CA12: variants seen among roughly 807,000 people sequenced by gnomAD.
CA12 encodes carbonic anhydrase 12, also known as carbonate dehydratase XII.
CA12 carries 36 observed loss-of-function variants against 46.8 expected under a neutral mutation model. The ratio of observed to expected loss-of-function variants is 0.77; its 90% confidence interval spans 0.59 to 1.02. The LOEUF (loss-of-function observed/expected upper bound fraction) is 1.02, where lower values mean the gene tolerates loss of function less well. Among genes scored for constraint, CA12 ranks in the 50% least tolerant of loss-of-function variants. CA12 has a pLI of 0.00. For missense variants in CA12, 436 were observed against 451.4 expected, an observed-to-expected ratio of 0.97 and a Z score of 0.31; for synonymous variants, 202 against 187.0, an observed-to-expected ratio of 1.08 and a Z score of -0.65.
In CA12 at chr15:63,328,902, T is replaced by C. The variant is rs1270263688; in HGVS notation, c.875-772A>G. Among the ~76,000 whole-genome samples the C allele has an allele frequency of 6.6e-6, 1 of 152,188 alleles. No homozygotes were observed. Among genetic ancestry groups the C allele is most frequent in the Non-Finnish European group, 1.5e-5 (1 of 68,024 alleles). The stretch of plus-strand genomic sequence containing the variant: ...TTTTAGTAGAGATGGGGTTTTGCCA[T>C]GTTGACCAGGCTGGTCTCGAACTCC... On this transcript the variant is annotated intron_variant, in intron 8 of 10. Coordinates refer to ENST00000178638, the MANE Select transcript of CA12 (RefSeq NM_001218.5). This position sits in a 1 kb window ranked among gnomAD's most constrained non-coding sequence, Gnocchi z 5.9.
intron 1 of CA12, among the ~76,000 whole-genome samples, chr15:63,379,309 G>A (rs908546759): frequency 7.2e-5 from 11 of 152,148 alleles, no homozygotes; most frequent in African/African-American, 1.2e-4. Flanking sequence ...GGGGTTCATC[G>A]GGTGAGGATC....
chr15:63,349,150 G>T (rs980739130), intron 2 of CA12, among the ~76,000 whole-genome samples: 1 of 152,166 alleles, frequency 6.6e-6, no homozygotes, highest in Non-Finnish European at 1.5e-5. Flanking sequence ...TGCAAATGGT[G>T]GGGGTGGTGG....
Position 63,327,500 on chromosome 15 carries a change from GT to G in CA12, c.908-268del, listed in dbSNP as rs74794784. ...CTGAAGAGCTTGTTTAAAATGTAGG[GT>G]TTTTTTTTTTTTTTTAGCCCAACCC... is the stretch of plus-strand genomic sequence containing the variant. On this transcript the variant is annotated intron_variant, in intron 9 of 10. Coordinates refer to ENST00000178638, the MANE Select transcript of CA12 (RefSeq NM_001218.5). This position sits in a 1 kb window ranked among gnomAD's most constrained non-coding sequence, Gnocchi z 4.5. Among the ~76,000 whole-genome samples, 563 of 140,174 alleles carry G rather than the reference GT, an allele frequency of 4.0e-3. No homozygotes were observed. Among genetic ancestry groups the G allele is most frequent in the East Asian group, 6.7e-3 (32 of 4,788 alleles). The allele number at this position is 140,174 out of a possible 152,430, so 92.0% of individuals were successfully genotyped here.
At chr15:63,352,132 T>G (rs898076825) in intron 2 of CA12, among the ~76,000 whole-genome samples, 2 of 152,230 alleles carry the variant, frequency 1.3e-5, no homozygotes, top group Middle Eastern at 3.2e-3. Flanking sequence ...CTCAGCTCAC[T>G]GCAACCTCCG....
At position 63,345,463 on chromosome 15, in the gene CA12, G is replaced by A; in HGVS notation, c.429+14C>T. On this transcript the variant is annotated intron_variant, in intron 4 of 10. Coordinates refer to ENST00000178638, the MANE Select transcript of CA12 (RefSeq NM_001218.5). The surrounding 1 kb of genome is among the most constrained non-coding windows in gnomAD (Gnocchi z 4.3). Reference sequence around the variant, plus strand: ...CTGCAGAGCAGCCTCTGCCAGACTGGCAGCCCTACTTACCTCGGCGGCGAA... The same window carrying A: ...CTGCAGAGCAGCCTCTGCCAGACTGACAGCCCTACTTACCTCGGCGGCGAA... 1.2e-6 allele frequency: 2 copies of A among 1,604,180 alleles called. No individual in the cohort carries two copies. Among genetic ancestry groups the A allele is most frequent in the Middle Eastern group, 1.7e-4 (1 of 6,058 alleles).
In CA12 at chr15:63,322,575, C is replaced by T. The variant is rs1219788800; in HGVS notation, c.*3710G>A. The T allele has an allele frequency of 6.6e-6, 1 of 152,210 alleles. No homozygotes were observed. The highest frequency in any genetic ancestry group is 1.5e-5 in the Non-Finnish European group (1 of 68,048). The allele number at this position is 152,210 out of a possible 1,614,324, so 9.4% of individuals were successfully genotyped here. A position where few individuals can be genotyped will look rare whatever the true frequency, so the allele number is the denominator to read the frequency against. On this transcript the variant is annotated 3_prime_UTR_variant, in exon 11 of 11. Coordinates refer to ENST00000178638, the MANE Select transcript of CA12 (RefSeq NM_001218.5). The surrounding 1 kb of genome is among the most constrained non-coding windows in gnomAD (Gnocchi z 4.1). ...GGAGGGCCTGAGTTCCCTCTGCCGA[C>T]CTATGGCTCTCACTGCTATGCCTCC...
chr15:63,370,847 C>T (rs1390919611), intron 2 of CA12, among the ~76,000 whole-genome samples: 1 of 152,068 alleles, frequency 6.6e-6, no homozygotes, highest in African/African-American at 2.4e-5. Flanking sequence ...TACTTTGTGC[C>T]CCTTATTCAT....
At chr15:63,379,729 C>T (rs745571993) in intron 1 of CA12, among the ~76,000 whole-genome samples, 10 of 152,178 alleles carry the variant, frequency 6.6e-5, no homozygotes, top group Admixed American at 2.0e-4. Flanking sequence ...GCCCTGCCTG[C>T]TTCCTGTGCT....
rs1267134812 is a variant in CA12, at chr15:63,339,123, T to G, written c.748-178A>C. On this transcript the variant is annotated intron_variant, in intron 7 of 10. Transcript: ENST00000178638. This position sits in a 1 kb window ranked among gnomAD's most constrained non-coding sequence, Gnocchi z 4.3. ...GCCACAGAACTGCTTCCCTCCACAG[T>G]GGGTGAGTGGGAGCTGGGCAGCGCT... Among the ~76,000 whole-genome samples the G allele has an allele frequency of 6.6e-6, 1 of 151,946 alleles. No homozygotes were observed. The highest frequency in any genetic ancestry group is 2.4e-5 in the African/African-American group (1 of 41,360).
intron 2 of CA12, among the ~76,000 whole-genome samples, chr15:63,351,824 C>T (rs2039236240): frequency 6.6e-6 from 1 of 152,196 alleles, no homozygotes; most frequent in Admixed American, 6.5e-5. Context: ...ACTGTTAGAG[C>T]CAGACTAGTA....
In CA12 at chr15:63,341,930, G is replaced by T; in HGVS notation, c.525+72C>A. 9.5e-7 allele frequency: 1 copy of T among 1,054,202 alleles called. No individual in the cohort carries two copies. The allele number at this position is 1,054,202 out of a possible 1,614,324, so 65.3% of individuals were successfully genotyped here. A position where few individuals can be genotyped will look rare whatever the true frequency, so the allele number is the denominator to read the frequency against. ...CAGCTGATTATCAACAGGTATGCAT[G>T]GAACAAAAGGTGGAATCCCAATCTC... On this transcript the variant is annotated intron_variant, in intron 5 of 10. Transcript: ENST00000178638. This position sits in a 1 kb window ranked among gnomAD's most constrained non-coding sequence, Gnocchi z 5.2.
intron 1 of CA12, among the ~76,000 whole-genome samples, chr15:63,379,494 G>A (rs752770555): frequency 3.9e-5 from 6 of 152,208 alleles, no homozygotes; most frequent in Non-Finnish European, 5.9e-5. Flanking sequence ...TTCCACAAGC[G>A]AGGCCAGGCC....
intron 2 of CA12, among the ~76,000 whole-genome samples, chr15:63,371,105 T>C (rs999868723): frequency 9.2e-5 from 14 of 152,196 alleles, no homozygotes; most frequent in Non-Finnish European, 2.9e-5. Context: ...CCTCCTTTCA[T>C]GTGTTCCATT....
intron 2 of CA12, among the ~76,000 whole-genome samples, chr15:63,364,339 A>AAAAAAAAAAAAAC (rs2039409833): frequency 7.0e-6 from 1 of 142,782 alleles, no homozygotes; most frequent in Admixed American, 7.1e-5. Flanking sequence ...CTAGAAAAAA[A>AAAAAAAAAAAAAC]AAAAAAAAAA....
In CA12 at chr15:63,324,914, C is replaced by G. The variant is rs1252156538; in HGVS notation, c.*1371G>C. On this transcript the variant is annotated 3_prime_UTR_variant, in exon 11 of 11. Transcript: ENST00000178638. ...ATGAGACTGTGAATCAGAAAGTTCT[C>G]GGGGAACTGCAAGGTGCTCTCAACT... 6.6e-6 allele frequency: 1 copy of G among 151,994 alleles called. No individual in the cohort carries two copies. Among genetic ancestry groups the G allele is most frequent in the Non-Finnish European group, 1.5e-5 (1 of 68,014 alleles). The allele number at this position is 151,994 out of a possible 1,614,324, so 9.4% of individuals were successfully genotyped here. A position where few individuals can be genotyped will look rare whatever the true frequency, so the allele number is the denominator to read the frequency against.
At chr15:63,336,542 G>GC (rs1253932160) in intron 8 of CA12, among the ~76,000 whole-genome samples, 2 of 134,516 alleles carry the variant, frequency 1.5e-5, no homozygotes, top group East Asian at 4.2e-4. Context: ...ATCCAACCTG[G>GC]CTTTTTTTTT....
intron 2 of CA12, among the ~76,000 whole-genome samples, chr15:63,364,219 C>T (rs1244389214): frequency 6.8e-6 from 1 of 146,034 alleles, no homozygotes. Flanking sequence ...TGGCTAGGTG[C>T]GATGGCTCAC....
chr15:63,370,825 C>T (rs141946833), intron 2 of CA12, among the ~76,000 whole-genome samples: 1 of 152,188 alleles, frequency 6.6e-6, no homozygotes, highest in East Asian at 1.9e-4. Flanking sequence ...CCTTTTCCGG[C>T]TCTCCTGAGA....
In CA12 at chr15:63,328,484, T is replaced by C. The variant is rs1215134537; in HGVS notation, c.875-354A>G. ...CCAAGTAGCTGGGATTACAAGCACCTGCCACCACACCCAGCTAATTTTTGG... is the reference window on the plus strand; with the variant it reads ...CCAAGTAGCTGGGATTACAAGCACCCGCCACCACACCCAGCTAATTTTTGG... On this transcript the variant is annotated intron_variant, in intron 8 of 10. Transcript: ENST00000178638. This position sits in a 1 kb window ranked among gnomAD's most constrained non-coding sequence, Gnocchi z 5.9. Among the ~76,000 whole-genome samples the C allele has an allele frequency of 1.3e-5, 2 of 151,582 alleles. No individual in the cohort carries two copies. Among genetic ancestry groups the C allele is most frequent in the African/African-American group, 4.9e-5 (2 of 41,206 alleles).
Sources: gnomAD v4.1 joint callset for allele counts (sites outside exome capture counted in the v4.1 genomes callset) on GRCh38, gnomAD v4.1.1 for gene constraint, Gnocchi (gnomAD v3.1) non-coding constraint, MANE v1.5 for transcripts, NCBI Gene and HGNC (gene_info 2026-07-23, HGNC 2026-07-21) for gene names.